TLN2: variants seen among roughly 807,000 people sequenced by gnomAD.
TLN2 encodes the protein talin-2.
A neutral mutation model predicts 294.7 loss-of-function variants in TLN2; 118 were observed. The ratio of observed to expected loss-of-function variants is 0.40; its 90% confidence interval spans 0.34 to 0.47. The LOEUF (loss-of-function observed/expected upper bound fraction) is 0.47. Ranked by LOEUF, TLN2 falls within the 20% of genes least tolerant of loss-of-function variation. TLN2 has a pLI of 0.84. For synonymous variants in TLN2, 1,431 were observed against 1,304.5 expected, an observed-to-expected ratio of 1.10 and a Z score of -2.09; for missense variants, 3,083 against 3,282.2, an observed-to-expected ratio of 0.94 and a Z score of 1.48.
Position 62,413,193 on chromosome 15 carries a change from G to A in TLN2, c.-238+22508G>A, listed in dbSNP as rs544246799. Among the ~76,000 whole-genome samples the A allele has an allele frequency of 9.9e-5, 15 of 152,282 alleles. No individual in the cohort carries two copies. The South Asian group carries it at 2.3e-3, about 23-fold the overall frequency. On this transcript the variant is annotated intron_variant, in intron 1 of 58. Transcript: ENST00000636159. ...AGTTAGCACTGGTATCCTGGCCTTGGAAGACTCTTTAGCAAACTGAGCCCT... is the reference window on the plus strand; with the variant it reads ...AGTTAGCACTGGTATCCTGGCCTTGAAAGACTCTTTAGCAAACTGAGCCCT...
intron 1 of TLN2, among the ~76,000 whole-genome samples, chr15:62,578,313 T>A (rs1199455003): frequency 2.0e-5 from 3 of 152,218 alleles, no homozygotes; most frequent in African/African-American, 7.2e-5. Flanking sequence ...ACGCCTGTAA[T>A]CTCAGCACTT....
chr15:62,775,819 T>C (rs2141064163), intron 42 of TLN2, among the ~76,000 whole-genome samples: 1 of 152,346 alleles, frequency 6.6e-6, no homozygotes, highest in Admixed American at 6.5e-5. Flanking sequence ...GTAATGCAAT[T>C]CCGACCCTGA....
At chr15:62,766,649 T>G (rs2063027282) in intron 41 of TLN2, among the ~76,000 whole-genome samples, 1 of 152,326 alleles carries the variant, frequency 6.6e-6, no homozygotes, top group East Asian at 1.9e-4. Flanking sequence ...AAAACTTCAG[T>G]GCAGTTTTTC....
intron 3 of TLN2, among the ~76,000 whole-genome samples, chr15:62,620,439 T>G (rs1315059549): frequency 6.6e-6 from 1 of 152,054 alleles, no homozygotes; most frequent in Non-Finnish European, 1.5e-5. Context: ...TCCAAGTGAA[T>G]TCATTCATAC....
At chr15:62,604,889 G>GCCGCCT (rs1567178524) in intron 2 of TLN2, among the ~76,000 whole-genome samples, 2 of 151,792 alleles carry the variant, frequency 1.3e-5, no homozygotes. Flanking sequence ...TGCCGCTGCC[G>GCCGCCT]CCGCCTCCTC....
intron 1 of TLN2, among the ~76,000 whole-genome samples, chr15:62,536,758 G>A (rs866131489): frequency 3.4e-4 from 52 of 152,066 alleles, no homozygotes; most frequent in African/African-American, 1.2e-3. Flanking sequence ...GTGCTCTAAT[G>A]GTAATTTTTA....
chr15:62,721,236 TGC>T, intron 25 of TLN2, among the ~76,000 whole-genome samples: 1 of 152,356 alleles, frequency 6.6e-6, no homozygotes, highest in African/African-American at 2.4e-5. Flanking sequence ...GTTATAACAT[TGC>T]TCTTCCAGGA....
intron 28 of TLN2, among the ~76,000 whole-genome samples, chr15:62,731,669 C>A (rs1448525041): frequency 1.3e-5 from 2 of 152,142 alleles, no homozygotes; most frequent in African/African-American, 4.8e-5. Context: ...AGCTTCTTGG[C>A]AATAGGTTAC....
intron 9 of TLN2, among the ~76,000 whole-genome samples, chr15:62,671,807 G>A (rs2055467834): frequency 6.6e-6 from 1 of 151,938 alleles, no homozygotes; most frequent in African/African-American, 2.4e-5. Flanking sequence ...CTTGTGTTTG[G>A]GTTTGGCTAA....
At chr15:62,642,371 G>T (rs961341023) in intron 3 of TLN2, among the ~76,000 whole-genome samples, 2 of 152,198 alleles carry the variant, frequency 1.3e-5, no homozygotes, top group African/African-American at 4.8e-5. Flanking sequence ...GAAGTTTCAC[G>T]CAGTCAAACT....
chr15:62,491,603 A>G (rs546571849), intron 1 of TLN2, among the ~76,000 whole-genome samples: 2 of 152,104 alleles, frequency 1.3e-5, no homozygotes, highest in South Asian at 2.1e-4. Flanking sequence ...CCACAAGGAA[A>G]CTCCTTGTGA....
intron 1 of TLN2, among the ~76,000 whole-genome samples, chr15:62,555,988 T>G (rs939758279): frequency 2.0e-5 from 3 of 151,136 alleles, no homozygotes; most frequent in African/African-American, 7.3e-5. Context: ...AGTTGGACTT[T>G]AAGATTAGTT....
In TLN2 at chr15:62,740,787, T is replaced by C. The variant is rs1461793159; in HGVS notation, c.4025+18T>C. On this transcript the variant is annotated intron_variant, in intron 32 of 58. Transcript: ENST00000636159. ...GCTGCAAGGTAGGAGTGGGACACAATGTGCTTTCGTGTGTGGTTAGACAGT... is the reference window on the plus strand; with the variant it reads ...GCTGCAAGGTAGGAGTGGGACACAACGTGCTTTCGTGTGTGGTTAGACAGT... 1.9e-6 allele frequency: 3 copies of C among 1,613,918 alleles called. No homozygotes were observed.
chr15:62,766,450 G>C, intron 41 of TLN2, 28 bp downstream of exon 41: 6 of 1,578,284 alleles, frequency 3.8e-6, no homozygotes, highest in South Asian at 1.1e-5. Context: ...GATCCTGCGA[G>C]GGTGTGCGTG....
chr15:62,738,312 C>G lies in TLN2; in HGVS notation c.3666C>G (p.Ser1222Arg). 6.2e-7 allele frequency: 1 copy of G among 1,613,982 alleles called. No homozygotes were observed. The highest frequency in any genetic ancestry group is 8.5e-7 in the Non-Finnish European group (1 of 1,179,936). Residue 1222 changes from serine (S) to arginine (R), a missense_variant, in exon 30 of 59, where the codon AGC becomes AGG. Ser to Arg is a moderately radical substitution (Grantham distance 110). Transcript: ENST00000636159. ...DVALKSIGES[S>R]KKLLVDSLPP... ...CCTTGAAGAGCATCGGGGAGTCCAG[C>G]AAGAAGCTGCTTGTGGATTCGGTGA...
chr15:62,840,707 A>G lies in TLN2; in HGVS notation c.*97A>G, dbSNP rs1176009441. On this transcript the variant is annotated 3_prime_UTR_variant, in exon 59 of 59. Transcript: ENST00000636159. ...CTGGGCACTTAGCTGGAAACCGCCC[A>G]CCTCCCTCCCGGGTGAGCCTGGAGC... 6.7e-7 allele frequency: 1 copy of G among 1,493,304 alleles called. No homozygotes were observed. Among genetic ancestry groups the G allele is most frequent in the African/African-American group, 1.4e-5 (1 of 70,884 alleles). 92.5% of individuals were successfully genotyped at this position (1,493,304 alleles called of 1,614,324 possible). A position where few individuals can be genotyped will look rare whatever the true frequency, so the allele number is the denominator to read the frequency against.
At chr15:62,524,092 A>T (rs1015025707) in intron 1 of TLN2, among the ~76,000 whole-genome samples, 6 of 152,196 alleles carry the variant, frequency 3.9e-5, no homozygotes, top group Non-Finnish European at 7.3e-5. Context: ...GCATTTTGTA[A>T]ACATAAATCC....
At chr15:62,395,550 G>A (rs1028234759) in intron 1 of TLN2, among the ~76,000 whole-genome samples, 3 of 152,122 alleles carry the variant, frequency 2.0e-5, no homozygotes, top group South Asian at 2.1e-4. Flanking sequence ...AAAGTTTGGA[G>A]CACACGTGCC....
intron 50 of TLN2, among the ~76,000 whole-genome samples, chr15:62,800,976 G>A (rs1273636113): frequency 6.6e-6 from 1 of 152,172 alleles, no homozygotes; most frequent in Non-Finnish European, 1.5e-5. Flanking sequence ...TGTAATCAAG[G>A]AGTTAATTGA....
Sources: allele counts gnomAD v4.1 joint callset (sites outside exome capture counted in the v4.1 genomes callset), GRCh38; gene constraint gnomAD v4.1.1; transcripts MANE v1.5; gene names NCBI Gene and HGNC (gene_info 2026-07-23, HGNC 2026-07-21).